CCNB2: variants seen among roughly 807,000 people sequenced by gnomAD.
CCNB2 encodes G2/mitotic-specific cyclin-B2.
Under a neutral mutation model 51.1 loss-of-function variants are expected in CCNB2, and 39 were observed. The observed-to-expected ratio is 0.76, with a 90% CI of 0.59 to 1.00. The LOEUF is 1.00. Among genes scored for constraint, CCNB2 ranks in the 50% least tolerant of loss-of-function variants. CCNB2 has a pLI of 0.00. For missense variants in CCNB2, 472 were observed against 470.3 expected, an observed-to-expected ratio of 1.00 and a Z score of -0.03; for synonymous variants, 174 against 165.5, an observed-to-expected ratio of 1.05 and a Z score of -0.40.
intron 7 of CCNB2, among the ~76,000 whole-genome samples, chr15:59,119,101 T>C (rs1463785922): frequency 1.3e-5 from 2 of 152,198 alleles, no homozygotes; most frequent in African/African-American, 2.4e-5. Context: ...TAACCTTTTA[T>C]TGACTTTATA....
chr15:59,123,423 T>C, intron 7 of CCNB2, 94 bp from the exon 8 acceptor site: 1 of 708,174 alleles, frequency 1.4e-6, no homozygotes. Flanking sequence ...TTTACATAAG[T>C]AATGTCATCA....
At chr15:59,119,190 CA>C (rs1336957303) in intron 7 of CCNB2, among the ~76,000 whole-genome samples, 77 of 152,166 alleles carry the variant, frequency 5.1e-4, no homozygotes, top group African/African-American at 1.8e-3. Flanking sequence ...TGGAAATAAA[CA>C]ATGTAACTAC....
At chr15:59,111,852 CTTTCT>C (rs1290135411) in intron 3 of CCNB2, among the ~76,000 whole-genome samples, 46 of 145,208 alleles carry the variant, frequency 3.2e-4, no homozygotes, top group African/African-American at 1.1e-3. Context: ...TTCTTTCTTT[CTTTCT>C]TTTTTTTTTT....
intron 3 of CCNB2, among the ~76,000 whole-genome samples, chr15:59,114,196 A>G (rs28383524): frequency 7.2e-5 from 11 of 152,188 alleles, no homozygotes; most frequent in African/African-American, 2.4e-4. Context: ...GCCAGATTAT[A>G]TAAGGTCTGT....
chr15:59,110,982 G>A (rs1449820913), intron 3 of CCNB2, among the ~76,000 whole-genome samples: 1 of 152,170 alleles, frequency 6.6e-6, no homozygotes, highest in African/African-American at 2.4e-5. Context: ...GGAGGACATA[G>A]GAGTAGAAGT....
rs189130300 is a variant in CCNB2, at chr15:59,109,571, A to G, written c.267+1901A>G. On this transcript the variant is annotated intron_variant, in intron 3 of 8. Transcript: ENST00000288207. ...TAAGTGGAAAAATCAGATTATAACAATATATAAACAGTGCAACCCCAGATT... is the reference window on the plus strand; with the variant it reads ...TAAGTGGAAAAATCAGATTATAACAGTATATAAACAGTGCAACCCCAGATT... Among the ~76,000 whole-genome samples the G allele has an allele frequency of 5.9e-5, 9 of 152,354 alleles. No homozygotes were observed. The East Asian group carries it at 1.7e-3, about 29-fold the overall frequency.
intron 3 of CCNB2, among the ~76,000 whole-genome samples, chr15:59,110,535 G>A (rs1365120799): frequency 3.9e-5 from 6 of 152,184 alleles, no homozygotes; most frequent in African/African-American, 1.4e-4. Flanking sequence ...GGTTATCACT[G>A]TTCTTTAGAG....
rs2079319188 is a variant in CCNB2, at chr15:59,124,960, C to G, written c.*83C>G. The G allele has an allele frequency of 2.7e-6, 2 of 732,890 alleles. No homozygotes were observed. Among genetic ancestry groups the G allele is most frequent in the Non-Finnish European group, 4.3e-6 (2 of 463,428 alleles). 45.4% of individuals were successfully genotyped at this position (732,890 alleles called of 1,614,324 possible). The stretch of plus-strand genomic sequence containing the variant: ...AACTCTTGATTTTGTACATAGTCCT[C>G]TGGTCTATCTCATGAAACCTCTTCT... On this transcript the variant is annotated 3_prime_UTR_variant, in exon 9 of 9. Coordinates refer to ENST00000288207, the MANE Select transcript of CCNB2 (RefSeq NM_004701.4).
chr15:59,107,133 G>A (rs559392431), intron 1 of CCNB2, among the ~76,000 whole-genome samples, 189 bp from the exon 2 acceptor site: 1 of 152,218 alleles, frequency 6.6e-6, no homozygotes, highest in African/African-American at 2.4e-5. Context: ...TGGGTGATTT[G>A]CCTAATTTAG....
At chr15:59,110,590 C>G (rs1247890195) in intron 3 of CCNB2, among the ~76,000 whole-genome samples, 2 of 152,186 alleles carry the variant, frequency 1.3e-5, no homozygotes, top group Non-Finnish European at 2.9e-5. Context: ...GCACAGGTTT[C>G]TATCAATTTT....
intron 7 of CCNB2, among the ~76,000 whole-genome samples, chr15:59,118,428 A>T (rs988514359): frequency 3.3e-5 from 5 of 152,206 alleles, no homozygotes; most frequent in South Asian, 2.1e-4. Context: ...CATGCCAGTA[A>T]TCCCAGCACT....
chr15:59,121,473 C>A (rs1596332997), intron 7 of CCNB2: 1 of 152,310 alleles, frequency 6.6e-6, no homozygotes, highest in East Asian at 1.9e-4. Flanking sequence ...TTACTCGTTT[C>A]CTCTTTCTTC....
At chr15:59,114,910 C>T in intron 5 of CCNB2, 34 bp downstream of exon 5, 2 of 1,580,136 alleles carry the variant, frequency 1.3e-6, no homozygotes, top group Middle Eastern at 1.8e-4. Context: ...ACGCCAGTGG[C>T]TCATTGAACA....
Position 59,107,656 on chromosome 15 carries a change from A to G in CCNB2, c.253A>G (p.Lys85Glu). The change falls in exon 3 of 9, where the codon AAG becomes GAG. Residue 85 changes from lysine (K) to glutamate (E), a missense_variant. Coordinates refer to ENST00000288207, the MANE Select transcript of CCNB2 (RefSeq NM_004701.4). The stretch of plus-strand genomic sequence containing the variant: ...TTCTGTCAAACCAGTACAGATGGAA[A>G]AGTTGGCTCCAAAGGTAGGAAGTTC... ...TASVKPVQMEKLAPKGPSPTP... is the reference protein window; with the variant it reads ...TASVKPVQMEELAPKGPSPTP... 6.2e-7 allele frequency: 1 copy of G among 1,613,558 alleles called. No homozygotes were observed. Among genetic ancestry groups the G allele is most frequent in the Middle Eastern group, 1.7e-4 (1 of 6,060 alleles).
At chr15:59,121,020 G>A (rs1424614798) in intron 7 of CCNB2, 1 of 147,416 alleles carries the variant, frequency 6.8e-6, no homozygotes, top group African/African-American at 2.5e-5. Flanking sequence ...CATTTTAAAA[G>A]GAACTGCCTC....
At chr15:59,117,828 G>C (rs1331463313) in intron 7 of CCNB2, among the ~76,000 whole-genome samples, 5 of 152,156 alleles carry the variant, frequency 3.3e-5, no homozygotes, top group African/African-American at 9.7e-5. Context: ...GGGGCATGGG[G>C]GCTTGTGCTT....
intron 1 of CCNB2, among the ~76,000 whole-genome samples, 199 bp downstream of exon 1, chr15:59,105,491 C>T (rs2079231894): frequency 1.3e-5 from 2 of 152,252 alleles, no homozygotes; most frequent in African/African-American, 2.4e-5. Context: ...ATTCCGCCCT[C>T]CCCTAACCCC....
chr15:59,114,989 G>T, intron 5 of CCNB2, 113 bp downstream of exon 5: 1 of 1,153,030 alleles, frequency 8.7e-7, no homozygotes, highest in Non-Finnish European at 1.2e-6. Flanking sequence ...AAATCAAATT[G>T]TGAGAAGCCA....
chr15:59,124,443 A>G (rs2079316641), intron 8 of CCNB2: 1 of 335,104 alleles, frequency 3.0e-6, no homozygotes. Flanking sequence ...TGAACCTGTT[A>G]TGTCCTGATG....
Sources: gnomAD v4.1 joint callset for allele counts (sites outside exome capture counted in the v4.1 genomes callset) on GRCh38, gnomAD v4.1.1 for gene constraint, MANE v1.5 for transcripts, NCBI Gene and HGNC (gene_info 2026-07-23, HGNC 2026-07-21) for gene names.